The following ROBO2 variants were observed in gnomAD, a reference collection of about 807,000 sequenced individuals.
ROBO2 encodes roundabout guidance receptor 2.
ROBO2 carries 53 observed loss-of-function variants against 160.8 expected under a neutral mutation model. The observed-to-expected ratio is 0.33, with a 90% confidence interval of 0.26 to 0.41. ROBO2 has a LOEUF of 0.41. Among genes scored for constraint, ROBO2 ranks in the 10% least tolerant of loss-of-function variants. The probability of loss-of-function intolerance (pLI) is 1.00; values close to 1 mark genes in which losing one functional copy is unlikely to be tolerated. For synonymous variants in ROBO2, 664 were observed against 611.7 expected (o/e 1.09, Z -1.26); for missense variants, 1,577 against 1,722.4 (o/e 0.92, Z 1.49).
intron 2 of ROBO2, among the ~76,000 whole-genome samples, chr3:76,293,429 C>A (rs1488995296): frequency 6.6e-6 from 1 of 152,084 alleles, no homozygotes; most frequent in African/African-American, 2.4e-5. Context: ...GTCTGCAGGC[C>A]CATATGCCGG....
At chr3:77,067,535 T>A (rs1001724231) in intron 1 of ROBO2, among the ~76,000 whole-genome samples, 43 of 152,150 alleles carry the variant, frequency 2.8e-4, no homozygotes, top group African/African-American at 9.4e-4. Flanking sequence ...CATAACAGAC[T>A]GAAAAGATAG....
chr3:77,104,148 T>A (rs945923442), intron 2 of ROBO2, among the ~76,000 whole-genome samples: 14 of 152,282 alleles, frequency 9.2e-5, no homozygotes, highest in Middle Eastern at 3.4e-3. Context: ...ATGAACACTA[T>A]AATCAAATTT....
At chr3:76,256,431 G>T (rs141292908) in intron 2 of ROBO2, among the ~76,000 whole-genome samples, 2,158 of 151,428 alleles carry the variant, frequency 0.014, 46 homozygotes, top group African/African-American at 0.049. Context: ...GTTAGGCCAG[G>T]TGCAATGGCT....
At chr3:76,932,575 C>T (rs1577594154) in intron 2 of ROBO2, among the ~76,000 whole-genome samples, 2 of 151,942 alleles carry the variant, frequency 1.3e-5, no homozygotes, top group Non-Finnish European at 2.9e-5. Context: ...GAAAAAGGAC[C>T]CCTTATTCTG....
chr3:77,382,362 T>TTTAA (rs1553931090), intron 2 of ROBO2, among the ~76,000 whole-genome samples: 1 of 149,004 alleles, frequency 6.7e-6, no homozygotes. Context: ...TTTTTTTTTT[T>TTTAA]AAAAAGTCTT....
At chr3:77,621,927 G>A (rs1415924122) in intron 22 of ROBO2, among the ~76,000 whole-genome samples, 4 of 152,044 alleles carry the variant, frequency 2.6e-5, no homozygotes, top group African/African-American at 4.8e-5. Flanking sequence ...TACTCGTGGC[G>A]AATATTCCTA....
At position 76,811,370 on chromosome 3, in the gene ROBO2, T is replaced by C. The variant is rs77436753; in HGVS notation, c.110-286644T>C. On this transcript the variant is annotated intron_variant, in intron 2 of 26. Coordinates refer to the ROBO2 transcript ENST00000487694. The stretch of plus-strand genomic sequence containing the variant: ...TCATTTTCTTATCAGTAAAATAATA[T>C]TGCTTATGTCATACCTTAAAAGGAT... 6.3e-3 allele frequency among the ~76,000 whole-genome samples: 966 copies of C among 152,278 alleles called. 14 individuals carry two copies. The highest frequency in any genetic ancestry group is 0.022 in the African/African-American group (925 of 41,556).
At chr3:76,533,073 A>G (rs183063684) in intron 2 of ROBO2, among the ~76,000 whole-genome samples, 2 of 152,350 alleles carry the variant, frequency 1.3e-5, no homozygotes, top group African/African-American at 2.4e-5. Flanking sequence ...AGAGGATTTC[A>G]TCAGAGGGGA....
intron 2 of ROBO2, among the ~76,000 whole-genome samples, chr3:76,365,434 A>G (rs1017214857): frequency 1.3e-5 from 2 of 152,062 alleles, no homozygotes; most frequent in African/African-American, 4.8e-5. Context: ...TTGAGATTCA[A>G]TTACCACATC....
chr3:76,253,576 G>T (rs1289886244), intron 2 of ROBO2, among the ~76,000 whole-genome samples: 3 of 149,956 alleles, frequency 2.0e-5, no homozygotes, highest in Non-Finnish European at 4.4e-5. Context: ...CCTGGCCCAT[G>T]AGTAATATCT....
chr3:77,576,383 C>T (rs2093764254), intron 14 of ROBO2, among the ~76,000 whole-genome samples: 1 of 151,960 alleles, frequency 6.6e-6, no homozygotes, highest in Non-Finnish European at 1.5e-5. Flanking sequence ...TTTCAAAAAA[C>T]TAAACCATGT....
intron 2 of ROBO2, among the ~76,000 whole-genome samples, chr3:76,258,309 A>T (rs1460855145): frequency 6.6e-6 from 1 of 152,014 alleles, no homozygotes. Context: ...TTTTTTCTGC[A>T]TCACTAATCC....
chr3:77,647,506 A>G (rs2095420441), exon 26 of ROBO2: 3 of 152,202 alleles, frequency 2.0e-5, no homozygotes, highest in Admixed American at 2.0e-4. Context: ...TTGTAAGTGG[A>G]CATTAATAAT....
chr3:77,642,086 A>C (rs142610650), intron 24 of ROBO2, among the ~76,000 whole-genome samples: 2 of 152,330 alleles, frequency 1.3e-5, no homozygotes, highest in African/African-American at 4.8e-5. Flanking sequence ...TAACTCATGA[A>C]ACGAACAGCC....
At chr3:76,864,947 A>G (rs1263844475) in intron 2 of ROBO2, among the ~76,000 whole-genome samples, 2 of 152,130 alleles carry the variant, frequency 1.3e-5, no homozygotes, top group East Asian at 3.9e-4. Flanking sequence ...TTAACAATGC[A>G]CAATATAATA....
At chr3:76,891,674 ACT>A (rs1387421959) in intron 2 of ROBO2, among the ~76,000 whole-genome samples, 1 of 152,100 alleles carries the variant, frequency 6.6e-6, no homozygotes, top group African/African-American at 2.4e-5. Context: ...GCTTCAGAAA[ACT>A]CACATGAATT....
At chr3:76,943,794 C>T (rs1188821837) in intron 2 of ROBO2, among the ~76,000 whole-genome samples, 1 of 152,076 alleles carries the variant, frequency 6.6e-6, no homozygotes, top group African/African-American at 2.4e-5. Flanking sequence ...TACACTTTGT[C>T]TTACTGCGTG....
intron 2 of ROBO2, among the ~76,000 whole-genome samples, chr3:77,194,514 A>G (rs2082145888): frequency 6.6e-6 from 1 of 152,228 alleles, no homozygotes; most frequent in African/African-American, 2.4e-5. Flanking sequence ...GTGACTGCAG[A>G]AAAATGAGTT....
intron 2 of ROBO2, among the ~76,000 whole-genome samples, chr3:76,033,955 A>G (rs1278927758): frequency 6.6e-6 from 1 of 152,222 alleles, no homozygotes; most frequent in South Asian, 2.1e-4. Flanking sequence ...TGAATACCTG[A>G]GCTCAAAAGT....
Sources: gnomAD v4.1 joint callset for allele counts (sites outside exome capture counted in the v4.1 genomes callset) on GRCh38, gnomAD v4.1.1 for gene constraint, MANE v1.5 for transcripts, NCBI Gene and HGNC (gene_info 2026-07-23, HGNC 2026-07-21) for gene names.